The following SRSF4 variants were observed in gnomAD, a reference collection of about 807,000 sequenced individuals.
SRSF4 encodes the protein serine/arginine-rich splicing factor 4.
SRSF4 carries 12 observed loss-of-function variants against 48.8 expected under a neutral mutation model. The ratio of observed to expected loss-of-function variants is 0.25; its 90% CI spans 0.16 to 0.40. The LOEUF is 0.40. Ranked by LOEUF, SRSF4 falls within the 10% of genes least tolerant of loss-of-function variation. The pLI is 1.00. For synonymous variants in SRSF4, 248 were observed against 232.5 expected (o/e 1.07, Z -0.61); for missense variants, 466 against 667.1 (o/e 0.70, Z 3.32).
rs747235470 is a variant in SRSF4, at chr1:29,159,459, C to T, written c.278G>A (p.Arg93Gln). 3 of 1,613,770 alleles carry T rather than the reference C, an allele frequency of 1.9e-6. No individual in the cohort carries two copies. Among genetic ancestry groups the T allele is most frequent in the Non-Finnish European group, 2.5e-6 (3 of 1,179,844 alleles). Residue 93 changes from arginine to glutamine, a missense_variant, in exon 3 of 6, where the codon CGA becomes CAA. By Grantham distance (43) the Arg-to-Gln change is conservative. Around this residue, in one of 2 missense-constraint regions of SRSF4, gnomAD observed 64 missense variants for 230.2 expected, o/e 0.28. Coordinates refer to ENST00000373795, the MANE Select transcript of SRSF4 (RefSeq NM_005626.5). ...GCGAGTAGGAGGGCCATATTTATCT[C>T]GGCCACTTCTTCTATAACCATATCC... ...RSGYGYRRSG[R>Q]DKYGPPTRTE...
chr1:29,160,334 A>G (rs1672574829), intron 2 of SRSF4, 41 bp downstream of exon 2: 4 of 1,553,362 alleles, frequency 2.6e-6, no homozygotes, highest in Non-Finnish European at 3.5e-6. Context: ...CATGATAACA[A>G]AAGCACGTTA....
Position 29,148,413 on chromosome 1 carries a change from G to A in SRSF4, c.1482C>T (p.Ser494=). The A allele has an allele frequency of 6.3e-7, 1 of 1,593,214 alleles. No individual in the cohort carries two copies. The highest frequency in any genetic ancestry group is 8.6e-7 in the Non-Finnish European group (1 of 1,169,074). Residue 494 remains serine (S), a synonymous_variant, in exon 6 of 6, where the codon TCC becomes TCT. Transcript: ENST00000373795. The part of the protein sequence containing the change: ...SRSRSRSHSR[S] Reference sequence around the variant, plus strand: ...TTCCAGCTGTGGCCATAGCCAGTTAGGACCTTGAGTGGGACCTAGATCTAG... The same window carrying A: ...TTCCAGCTGTGGCCATAGCCAGTTAAGACCTTGAGTGGGACCTAGATCTAG...
intron 1 of SRSF4, among the ~76,000 whole-genome samples, chr1:29,162,379 C>T (rs1423630813): frequency 2.0e-5 from 3 of 152,166 alleles, no homozygotes; most frequent in Admixed American, 1.3e-4. Flanking sequence ...AATGTAGCTG[C>T]TTTTTCCTTT....
At chr1:29,173,136 T>A (rs1672771853) in intron 1 of SRSF4, 1 of 104,182 alleles carries the variant, frequency 9.6e-6, no homozygotes, top group Non-Finnish European at 1.9e-5. Context: ...AAGGCTTTTT[T>A]TTTTTTTTTT....
chr1:29,163,075 C>T (rs1033292352), intron 1 of SRSF4, among the ~76,000 whole-genome samples: 2 of 152,158 alleles, frequency 1.3e-5, no homozygotes, highest in Non-Finnish European at 2.9e-5. Context: ...ATTAATGTTA[C>T]GACAGATGAA....
chr1:29,181,821 C>CACGGCGGCAGCGGCG lies in SRSF4; in HGVS notation c.-84_-70dup, dbSNP rs1672966003. On this transcript the variant is annotated 5_prime_UTR_variant, in exon 1 of 6. Transcript: ENST00000373795. The stretch of plus-strand genomic sequence containing the variant: ...TAGGCGGCGGCGGGCAAAGCGAGAG[C>CACGGCGGCAGCGGCG]ACGGCGGCAGCGGCGGCGGCGGCAA... 5.2e-6 allele frequency: 7 copies of CACGGCGGCAGCGGCG among 1,342,702 alleles called. No homozygotes were observed. Among genetic ancestry groups the CACGGCGGCAGCGGCG allele is most frequent in the Non-Finnish European group, 5.8e-6 (6 of 1,028,064 alleles). 83.2% of individuals were successfully genotyped at this position (1,342,702 alleles called of 1,614,324 possible). A position where few individuals can be genotyped will look rare whatever the true frequency, so the allele number is the denominator to read the frequency against.
In SRSF4 at chr1:29,162,274, T is replaced by C. The variant is rs535089687; in HGVS notation, c.108-1757A>G. On this transcript the variant is annotated intron_variant, in intron 1 of 5. Coordinates refer to ENST00000373795, the MANE Select transcript of SRSF4 (RefSeq NM_005626.5). Reference sequence around the variant, plus strand: ...ATAAGAAGGATTTTGAACATGCTGTTATCTTAGAAAAGGCAAGTAAAGCCT... The same window carrying C: ...ATAAGAAGGATTTTGAACATGCTGTCATCTTAGAAAAGGCAAGTAAAGCCT... 2.0e-5 allele frequency among the ~76,000 whole-genome samples: 3 copies of C among 152,344 alleles called. No individual in the cohort carries two copies. In the East Asian group the frequency reaches 5.8e-4, roughly 29 times the overall value.
chr1:29,154,567 A>G, intron 4 of SRSF4, 129 bp downstream of exon 4: 1 of 888,012 alleles, frequency 1.1e-6, no homozygotes, highest in Non-Finnish European at 1.7e-6. Flanking sequence ...GTTCAGTTCA[A>G]AATTCTAAGT....
chr1:29,159,398 A>C lies in SRSF4; in HGVS notation c.339T>G (p.Ser113Arg), dbSNP rs373704187. 2.5e-6 allele frequency: 4 copies of C among 1,613,920 alleles called. No individual in the cohort carries two copies. The highest frequency in any genetic ancestry group is 2.5e-6 in the Non-Finnish European group (3 of 1,179,972). ...EYRLIVENLS[S>R]RCSWQDLKDY... ...CCTTTAGGTCTTGCCAGCTGCACCGACTTGACAAATTCTCCACAATAAGTC... is the reference window on the plus strand; with the variant it reads ...CCTTTAGGTCTTGCCAGCTGCACCGCCTTGACAAATTCTCCACAATAAGTC... The change falls in exon 3 of 6, where the codon AGT becomes AGG. Residue 113 changes from serine to arginine, a missense_variant. Transcript: ENST00000373795.
intron 3 of SRSF4, among the ~76,000 whole-genome samples, chr1:29,155,423 C>T (rs1040032003): frequency 2.0e-5 from 3 of 152,008 alleles, no homozygotes; most frequent in African/African-American, 7.3e-5. Context: ...AGAGCAAGAC[C>T]CTACCTCAAA....
In SRSF4 at chr1:29,159,542, G is replaced by T. The variant is rs1672560559; in HGVS notation, c.251-56C>A. ...TCAGTGGAAGAAAAGGAAAAAAAAT[G>T]ACACAGCACACACCCCCCCTTAAAT... On this transcript the variant is annotated intron_variant, in intron 2 of 5. Coordinates refer to ENST00000373795, the MANE Select transcript of SRSF4 (RefSeq NM_005626.5). 6.4e-6 allele frequency: 8 copies of T among 1,255,518 alleles called. No individual in the cohort carries two copies. The South Asian group carries it at 8.7e-5, about 14-fold the overall frequency. 77.8% of individuals were successfully genotyped at this position (1,255,518 alleles called of 1,614,324 possible).
chr1:29,160,250 GATAC>G (rs933832563), intron 2 of SRSF4, 121 bp downstream of exon 2: 13 of 1,135,632 alleles, frequency 1.1e-5, no homozygotes, highest in African/African-American at 4.9e-5. Context: ...TTTTAAAAAA[GATAC>G]ATAATTTACA....
At position 29,147,961 on chromosome 1, in the gene SRSF4, T is replaced by TC; in HGVS notation, c.*448_*449insG. 1 of 416,122 alleles carries TC rather than the reference T, an allele frequency of 2.4e-6. No individual in the cohort carries two copies. Among genetic ancestry groups the TC allele is most frequent in the South Asian group, 1.7e-5 (1 of 58,942 alleles). 25.8% of individuals were successfully genotyped at this position (416,122 alleles called of 1,614,324 possible). A position where few individuals can be genotyped will look rare whatever the true frequency, so the allele number is the denominator to read the frequency against. ...TCGACTGTGCTATTCACAACTTTGTTAAGTCCAAAAATATGAAACCAAAGT... is the reference window on the plus strand; with the variant it reads ...TCGACTGTGCTATTCACAACTTTGTTCAAGTCCAAAAATATGAAACCAAAGT... On this transcript the variant is annotated 3_prime_UTR_variant, in exon 6 of 6. Transcript: ENST00000373795.
Position 29,148,196 on chromosome 1 carries a change from AT to A in SRSF4, c.*213del. ...TACTGTGGGCCATGAGTAAAAGGGG[AT>A]TTTCAAAGAGAAAATTTTTTTCAGT... On this transcript the variant is annotated 3_prime_UTR_variant, in exon 6 of 6. Transcript: ENST00000373795. 1 of 732,952 alleles carries A rather than the reference AT, an allele frequency of 1.4e-6. No homozygotes were observed. Among genetic ancestry groups the A allele is most frequent in the Non-Finnish European group, 2.4e-6 (1 of 419,280 alleles). The allele number at this position is 732,952 out of a possible 1,614,324, so 45.4% of individuals were successfully genotyped here.
chr1:29,177,093 C>A (rs1672879110), intron 1 of SRSF4, among the ~76,000 whole-genome samples: 1 of 152,136 alleles, frequency 6.6e-6, no homozygotes, highest in African/African-American at 2.4e-5. Context: ...AAAAGGGCAA[C>A]TAGTGTACTC....
chr1:29,170,260 C>T lies in SRSF4; in HGVS notation c.108-9743G>A, dbSNP rs140228981. The T allele has an allele frequency of 9.1e-4, 138 of 152,228 alleles. 1 individual carries two copies. Among genetic ancestry groups the T allele is most frequent in the Middle Eastern group, 3.4e-3 (1 of 294 alleles). The allele number at this position is 152,228 out of a possible 1,614,324, so 9.4% of individuals were successfully genotyped here. A position where few individuals can be genotyped will look rare whatever the true frequency, so the allele number is the denominator to read the frequency against. ...AAATTAAAAACGATTTGAAAAAACT[C>T]GAGAGATGAAAGTCACATTACCAAT... On this transcript the variant is annotated intron_variant, in intron 1 of 5. Coordinates refer to ENST00000373795, the MANE Select transcript of SRSF4 (RefSeq NM_005626.5).
chr1:29,179,337 C>A (rs1672917866), intron 1 of SRSF4, among the ~76,000 whole-genome samples: 1 of 152,046 alleles, frequency 6.6e-6, no homozygotes, highest in South Asian at 2.1e-4. Flanking sequence ...TTTCCCTATT[C>A]ATCAAAAAGC....
chr1:29,164,561 T>C (rs1672642706), intron 1 of SRSF4, among the ~76,000 whole-genome samples: 1 of 152,268 alleles, frequency 6.6e-6, no homozygotes, highest in Non-Finnish European at 1.5e-5. Flanking sequence ...TGGTGTGACT[T>C]GTGAATAAGC....
At chr1:29,152,095 T>C (rs763522784) in intron 4 of SRSF4, among the ~76,000 whole-genome samples, 2 of 152,132 alleles carry the variant, frequency 1.3e-5, no homozygotes, top group Non-Finnish European at 2.9e-5. Context: ...CTGGGTAACA[T>C]AGCAAGACTC....
Sources: allele counts gnomAD v4.1 joint callset (sites outside exome capture counted in the v4.1 genomes callset), GRCh38; gene constraint gnomAD v4.1.1; regional missense constraint gnomAD v4.1.1; transcripts MANE v1.5; gene names NCBI Gene and HGNC (gene_info 2026-07-23, HGNC 2026-07-21).